OTOA: variants seen among roughly 807,000 people sequenced by gnomAD.
The protein encoded by OTOA is cancer/testis antigen 108.
Under a neutral mutation model 110.8 loss-of-function variants are expected in OTOA, and 70 were observed. The observed-to-expected ratio is 0.63, with a 90% CI of 0.52 to 0.77. The LOEUF (loss-of-function observed/expected upper bound fraction) is 0.77, where lower values mean the gene tolerates loss of function less well. OTOA is among the 30% of genes least tolerant of loss of function. The pLI, the probability that OTOA is intolerant of heterozygous loss-of-function variation, is 0.00. For synonymous variants in OTOA, 373 were observed against 431.5 expected (o/e 0.86, Z 1.68); for missense variants, 917 against 1,075.8 (o/e 0.85, Z 2.06).
intron 1 of OTOA, among the ~76,000 whole-genome samples, chr16:21,664,889 A>G (rs918813756): frequency 3.3e-5 from 5 of 152,100 alleles, no homozygotes; most frequent in African/African-American, 1.2e-4. Context: ...GGAGAATCGC[A>G]TCAATCCGGC....
At chr16:21,695,866 G>GATAT (rs71151648) in intron 9 of OTOA, among the ~76,000 whole-genome samples, 60 of 72,722 alleles carry the variant, frequency 8.3e-4, no homozygotes, top group East Asian at 4.5e-3. Flanking sequence ...CTAGACTTGA[G>GATAT]ATATATATAT....
At chr16:21,673,771 T>C (rs1456359339) in intron 1 of OTOA, among the ~76,000 whole-genome samples, 1 of 152,172 alleles carries the variant, frequency 6.6e-6, no homozygotes, top group Non-Finnish European at 1.5e-5. Flanking sequence ...TATGAACATT[T>C]GTGTACAGGT....
intron 27 of OTOA, among the ~76,000 whole-genome samples, chr16:21,755,540 G>T (rs1899953703): frequency 8.5e-6 from 1 of 118,164 alleles, no homozygotes; most frequent in African/African-American, 3.2e-5. Flanking sequence ...TTGAGACAAA[G>T]TCTCACTCTG....
Position 21,690,683 on chromosome 16 carries a change from T to C in OTOA, c.636-901T>C, listed in dbSNP as rs1313743524. Among the ~76,000 whole-genome samples the C allele has an allele frequency of 2.0e-5, 3 of 152,140 alleles. 1 individual carries two copies. Among genetic ancestry groups the C allele is most frequent in the Non-Finnish European group, 1.5e-5 (1 of 68,030 alleles). Reference sequence around the variant, plus strand: ...TGCATTTATCTTTGTGACAGAATGATTTATATATTTTTGGGTATATACCCG... The same window carrying C: ...TGCATTTATCTTTGTGACAGAATGACTTATATATTTTTGGGTATATACCCG... On this transcript the variant is annotated intron_variant, in intron 8 of 28. Transcript: ENST00000646100.
chr16:21,729,567 T>G (rs1270087032), intron 20 of OTOA: 2 of 152,190 alleles, frequency 1.3e-5, no homozygotes, highest in African/African-American at 2.4e-5. Context: ...GTGCTTTACA[T>G]TCTATGGGTT....
chr16:21,720,006 AGTACAGTGGC>A (rs2141705502), intron 17 of OTOA, among the ~76,000 whole-genome samples: 1 of 146,136 alleles, frequency 6.8e-6, no homozygotes, highest in South Asian at 2.2e-4. Flanking sequence ...CCCAGGCTGG[AGTACAGTGGC>A]ATAATCATGG....
chr16:21,718,672 G>A (rs556678413), intron 15 of OTOA, among the ~76,000 whole-genome samples: 3 of 152,110 alleles, frequency 2.0e-5, no homozygotes, highest in South Asian at 2.1e-4. Context: ...GTGCTCATTG[G>A]GGGGTGGTTT....
chr16:21,677,070 T>C (rs1429674141), intron 1 of OTOA, among the ~76,000 whole-genome samples: 2 of 152,232 alleles, frequency 1.3e-5, no homozygotes, highest in African/African-American at 4.8e-5. Context: ...TACTGAATGG[T>C]ATCCCACTGA....
At chr16:21,729,003 C>T (rs1182816546) in intron 20 of OTOA, among the ~76,000 whole-genome samples, 1 of 151,864 alleles carries the variant, frequency 6.6e-6, no homozygotes, top group African/African-American at 2.4e-5. Flanking sequence ...TGGCCCTTTA[C>T]AGATGCAAGG....
At chr16:21,684,520 C>G in intron 6 of OTOA, 1 of 1,550,704 alleles carries the variant, frequency 6.4e-7, no homozygotes, top group Non-Finnish European at 8.7e-7. Flanking sequence ...CCAGCTGCTG[C>G]TGATGGGAAA....
chr16:21,679,342 A>G, intron 5 of OTOA, 131 bp downstream of exon 5: 1 of 1,034,312 alleles, frequency 9.7e-7, no homozygotes, highest in Non-Finnish European at 1.5e-6. Context: ...CAATGTGTTA[A>G]AAGTCAACAA....
At chr16:21,683,413 C>T (rs1418712575) in intron 6 of OTOA, among the ~76,000 whole-genome samples, 1 of 152,156 alleles carries the variant, frequency 6.6e-6, no homozygotes, top group Non-Finnish European at 1.5e-5. Flanking sequence ...ACAGATGTGA[C>T]TCTGCGTGGT....
intron 1 of OTOA, among the ~76,000 whole-genome samples, chr16:21,666,443 G>A (rs1275284601): frequency 1.3e-5 from 2 of 152,070 alleles, no homozygotes; most frequent in Non-Finnish European, 2.9e-5. Context: ...TTTCACAGAA[G>A]ATGAAGTGAC....
chr16:21,749,876 G>A (rs1478003171), intron 24 of OTOA, among the ~76,000 whole-genome samples: 2 of 144,034 alleles, frequency 1.4e-5, no homozygotes, highest in East Asian at 4.4e-4. Flanking sequence ...GTAGAGACAA[G>A]CTTTCACCAT....
At chr16:21,717,069 C>G in intron 15 of OTOA, 22 bp downstream of exon 15, 1 of 1,613,380 alleles carries the variant, frequency 6.2e-7, no homozygotes, top group Non-Finnish European at 8.5e-7. Context: ...AAACACAGAT[C>G]GATCCTGTAT....
In OTOA at chr16:21,719,004, C is replaced by T. The variant is rs1042838415; in HGVS notation, c.1630-129C>T. On this transcript the variant is annotated intron_variant, in intron 15 of 28. Transcript: ENST00000646100. ...CAATGGTCTAGTCCTAGGTAACTCACATAGCCTGTTAAGCCTCCATTTCCC... is the reference window on the plus strand; with the variant it reads ...CAATGGTCTAGTCCTAGGTAACTCATATAGCCTGTTAAGCCTCCATTTCCC... The T allele has an allele frequency of 1.3e-5, 12 of 917,200 alleles. No individual in the cohort carries two copies. In the African/African-American group the frequency reaches 1.8e-4, roughly 14 times the overall value. The allele number at this position is 917,200 out of a possible 1,614,324, so 56.8% of individuals were successfully genotyped here. A position where few individuals can be genotyped will look rare whatever the true frequency, so the allele number is the denominator to read the frequency against.
In OTOA at chr16:21,760,697, A is replaced by G; in HGVS notation, c.*157A>G. 1 of 491,540 alleles carries G rather than the reference A, an allele frequency of 2.0e-6. No homozygotes were observed. Among genetic ancestry groups the G allele is most frequent in the South Asian group, 2.5e-5 (1 of 40,282 alleles). 30.4% of individuals were successfully genotyped at this position (491,540 alleles called of 1,614,324 possible). ...TGATGGTGAAAATGCACCCCAAATG[A>G]AAAATAATTATTAAAAATGATCTTG... On this transcript the variant is annotated 3_prime_UTR_variant, in exon 29 of 29. Transcript: ENST00000646100.
At chr16:21,689,304 T>C (rs1897782323) in intron 8 of OTOA, among the ~76,000 whole-genome samples, 1 of 152,194 alleles carries the variant, frequency 6.6e-6, no homozygotes, top group Non-Finnish European at 1.5e-5. Flanking sequence ...GCTGACCTCA[T>C]CGTTTCTCTA....
chr16:21,713,453 C>A (rs1489883408), intron 13 of OTOA, among the ~76,000 whole-genome samples: 2 of 152,050 alleles, frequency 1.3e-5, no homozygotes, highest in Admixed American at 6.6e-5. Flanking sequence ...TCCTCCATCG[C>A]GGGGCCAAGG....
Sources: gnomAD v4.1 joint callset for allele counts (sites outside exome capture counted in the v4.1 genomes callset) on GRCh38, gnomAD v4.1.1 for gene constraint, MANE v1.5 for transcripts, NCBI Gene and HGNC (gene_info 2026-07-23, HGNC 2026-07-21) for gene names.